SEMA6D: variants seen among roughly 807,000 people sequenced by gnomAD.
SEMA6D encodes semaphorin 6D.
SEMA6D carries 35 observed loss-of-function variants against 106.6 expected under a neutral mutation model. The ratio of observed to expected loss-of-function variants is 0.33; its 90% confidence interval spans 0.25 to 0.44. SEMA6D has a LOEUF of 0.44. Among genes scored for constraint, SEMA6D ranks in the 20% least tolerant of loss-of-function variants. The pLI is 1.00. For synonymous variants in SEMA6D, 499 were observed against 487.7 expected, an observed-to-expected ratio of 1.02 and a Z score of -0.31; for missense variants, 1,185 against 1,345.9, an observed-to-expected ratio of 0.88 and a Z score of 1.87.
intron 18 of SEMA6D, among the ~76,000 whole-genome samples, chr15:47,769,096 C>A (rs2082497404): frequency 6.6e-6 from 1 of 152,174 alleles, no homozygotes; most frequent in Non-Finnish European, 1.5e-5. Context: ...TTGCAAATAT[C>A]CTGATATCAG....
chr15:47,671,735 C>T (rs2078140898), intron 4 of SEMA6D, among the ~76,000 whole-genome samples: 1 of 151,872 alleles, frequency 6.6e-6, no homozygotes, highest in Non-Finnish European at 1.5e-5. Context: ...AGTTTGAAAA[C>T]CTGGTGGTGG....
intron 1 of SEMA6D, among the ~76,000 whole-genome samples, chr15:47,195,887 A>G (rs1894307446): frequency 6.6e-6 from 1 of 152,240 alleles, no homozygotes; most frequent in East Asian, 1.9e-4. Flanking sequence ...GCTCACCTAC[A>G]GATGGGGATT....
intron 1 of SEMA6D, among the ~76,000 whole-genome samples, chr15:47,291,335 C>G (rs1193769584): frequency 6.6e-6 from 1 of 152,160 alleles, no homozygotes; most frequent in Non-Finnish European, 1.5e-5. Flanking sequence ...GGTTGTAAGT[C>G]TGTTATCTGA....
intron 4 of SEMA6D, among the ~76,000 whole-genome samples, chr15:47,663,201 G>A (rs2077962227): frequency 6.6e-6 from 1 of 152,186 alleles, no homozygotes; most frequent in South Asian, 2.1e-4. Context: ...TGGGCAGTGG[G>A]AGTCCTTAAA....
rs559733077 is a variant in SEMA6D, at chr15:47,493,653, G to C, written c.-87+23108G>C. Among the ~76,000 whole-genome samples the C allele has an allele frequency of 2.3e-4, 35 of 152,172 alleles. 1 individual carries two copies. The highest frequency in any genetic ancestry group is 1.4e-3 in the Admixed American group (22 of 15,262). On this transcript the variant is annotated intron_variant, in intron 3 of 19. Transcript: ENST00000558014. Reference sequence around the variant, plus strand: ...GTGTTTTCTATTTGTCAAGAACTCTGTTACCTGTTTCATGTGTATTATTTC... The same window carrying C: ...GTGTTTTCTATTTGTCAAGAACTCTCTTACCTGTTTCATGTGTATTATTTC...
chr15:47,560,648 G>A (rs55669049), intron 3 of SEMA6D, among the ~76,000 whole-genome samples: 9,084 of 152,098 alleles, frequency 0.06, 310 homozygotes, highest in South Asian at 0.089. Context: ...AATATTATGA[G>A]GTGAATTCTG....
intron 2 of SEMA6D, among the ~76,000 whole-genome samples, chr15:47,467,387 A>G (rs2042696340): frequency 6.6e-6 from 1 of 152,174 alleles, no homozygotes; most frequent in Non-Finnish European, 1.5e-5. Context: ...ATTATGATGT[A>G]AACATGTCGG....
intron 4 of SEMA6D, among the ~76,000 whole-genome samples, chr15:47,707,757 C>T (rs550657836): frequency 3.7e-4 from 57 of 152,292 alleles, no homozygotes; most frequent in African/African-American, 1.3e-3. Context: ...CCGCTGTCTA[C>T]TGAAGTAACT....
chr15:47,569,775 T>A (rs1404741970), intron 3 of SEMA6D, among the ~76,000 whole-genome samples: 2 of 152,138 alleles, frequency 1.3e-5, no homozygotes, highest in Non-Finnish European at 2.9e-5. Context: ...TTATAAGGAT[T>A]TGAGGCCAGG....
chr15:47,585,704 A>G (rs2060509), intron 3 of SEMA6D, among the ~76,000 whole-genome samples: 64,932 of 152,074 alleles, frequency 0.43, 15,235 homozygotes, highest in South Asian at 0.54. Context: ...ATTGATAACA[A>G]TAACAAAAAT....
chr15:47,496,939 A>G (rs2043684004), intron 3 of SEMA6D, among the ~76,000 whole-genome samples: 1 of 152,054 alleles, frequency 6.6e-6, no homozygotes, highest in Non-Finnish European at 1.5e-5. Context: ...GGACCAGCAC[A>G]GTTGCACTGC....
At position 47,579,407 on chromosome 15, in the gene SEMA6D, G is replaced by A. The variant is rs536632612; in HGVS notation, c.-86-21458G>A. On this transcript the variant is annotated intron_variant, in intron 3 of 19. Coordinates refer to the SEMA6D transcript ENST00000558014. The stretch of plus-strand genomic sequence containing the variant: ...CCCACCCACCTAGGCCTCCCAAAGT[G>A]CTGGGATTACAGGTGTGAGCCACCA... Among the ~76,000 whole-genome samples, 20 of 152,236 alleles carry A rather than the reference G, an allele frequency of 1.3e-4. No individual in the cohort carries two copies. The South Asian group carries it at 4.1e-3, about 32-fold the overall frequency.
intron 1 of SEMA6D, among the ~76,000 whole-genome samples, chr15:47,386,188 C>T (rs563095326): frequency 3.9e-5 from 6 of 151,914 alleles, no homozygotes; most frequent in African/African-American, 9.7e-5. Context: ...ACACAGATAA[C>T]CATAATTTAA....
intron 1 of SEMA6D, among the ~76,000 whole-genome samples, chr15:47,223,737 G>A (rs2141406374): frequency 6.6e-6 from 1 of 152,196 alleles, no homozygotes; most frequent in African/African-American, 2.4e-5. Flanking sequence ...GGTCTGGTAA[G>A]TAAAACTGTA....
chr15:47,352,185 C>G, intron 1 of SEMA6D, among the ~76,000 whole-genome samples: 1 of 152,048 alleles, frequency 6.6e-6, no homozygotes, highest in East Asian at 1.9e-4. Context: ...GTAATGAACA[C>G]AAAGTGAATA....
chr15:47,667,851 T>G (rs2078058632), intron 4 of SEMA6D, among the ~76,000 whole-genome samples: 1 of 152,178 alleles, frequency 6.6e-6, no homozygotes, highest in South Asian at 2.1e-4. Flanking sequence ...GGTGAACCTG[T>G]GAGAACCCAG....
intron 1 of SEMA6D, among the ~76,000 whole-genome samples, chr15:47,382,612 C>T (rs1452915728): frequency 6.6e-6 from 1 of 152,208 alleles, no homozygotes. Flanking sequence ...TAAGATCACA[C>T]AAATGCTGCT....
At chr15:47,425,837 CT>C (rs921654518) in intron 2 of SEMA6D, among the ~76,000 whole-genome samples, 15 of 151,914 alleles carry the variant, frequency 9.9e-5, no homozygotes, top group African/African-American at 3.6e-4. Context: ...TCTGGGGACA[CT>C]TTTAGGACTG....
intron 1 of SEMA6D, among the ~76,000 whole-genome samples, chr15:47,251,448 A>G (rs766759477): frequency 2.6e-5 from 4 of 152,124 alleles, no homozygotes; most frequent in Non-Finnish European, 5.9e-5. Flanking sequence ...AAATACTTTA[A>G]TTTAGGTTTC....
Sources: gnomAD v4.1 joint callset for allele counts (sites outside exome capture counted in the v4.1 genomes callset) on GRCh38, gnomAD v4.1.1 for gene constraint, MANE v1.5 for transcripts, NCBI Gene and HGNC (gene_info 2026-07-23, HGNC 2026-07-21) for gene names.